DPF3: variants seen among roughly 807,000 people sequenced by gnomAD.
DPF3 encodes the protein double PHD fingers 3.
DPF3 carries 18 observed loss-of-function variants against 56.8 expected under a neutral mutation model. The observed-to-expected ratio is 0.32, with a 90% CI of 0.22 to 0.47. DPF3 has a LOEUF of 0.47. DPF3 is among the 20% of genes least tolerant of loss of function. The pLI is 1.00. For synonymous variants in DPF3, 188 were observed against 180.2 expected (o/e 1.04, Z -0.35); for missense variants, 403 against 488.8 (o/e 0.82, Z 1.65).
intron 1 of DPF3, among the ~76,000 whole-genome samples, chr14:72,891,826 TTGTG>T (rs1184863541): frequency 2.0e-5 from 3 of 151,756 alleles, no homozygotes; most frequent in Admixed American, 2.0e-4. Context: ...AGCAGGGGCG[TTGTG>T]TGTATGCTAG....
chr14:72,825,759 G>A (rs1029389399), intron 1 of DPF3, among the ~76,000 whole-genome samples: 26 of 140,926 alleles, frequency 1.8e-4, no homozygotes, highest in Admixed American at 5.6e-4. Context: ...TATCACAGGA[G>A]ATGGCAGTTA....
At chr14:72,855,149 C>G (rs1885128367) in intron 1 of DPF3, among the ~76,000 whole-genome samples, 1 of 152,210 alleles carries the variant, frequency 6.6e-6, no homozygotes, top group Non-Finnish European at 1.5e-5. Flanking sequence ...TTCTGCAGCT[C>G]TGTCACTGAC....
intron 8 of DPF3, among the ~76,000 whole-genome samples, chr14:72,653,332 G>A (rs1555492346): frequency 6.6e-6 from 1 of 152,226 alleles, no homozygotes; most frequent in Non-Finnish European, 1.5e-5. Flanking sequence ...CGGAGTGGAT[G>A]GCTAAGATCC....
chr14:72,662,286 G>T (rs1886249044), intron 8 of DPF3: 1 of 984,764 alleles, frequency 1.0e-6, no homozygotes, highest in African/African-American at 1.8e-5. Flanking sequence ...TTAAAATGTG[G>T]GGCATTTTTC....
rs796807633 is a variant in DPF3, at chr14:72,767,279, A to C, written c.193+4454T>G. On this transcript the variant is annotated intron_variant, in intron 2 of 10. Coordinates refer to ENST00000556509, the MANE Select transcript of DPF3 (RefSeq NM_001280542.3). ...TTCAGTCAAAGCCACTCATCTTATG[A>C]AGAACCAGGAAAATCTCAAATGAGG... Among the ~76,000 whole-genome samples the C allele has an allele frequency of 2.6e-5, 4 of 152,358 alleles. 1 individual carries two copies. The highest frequency in any genetic ancestry group is 9.6e-5 in the African/African-American group (4 of 41,574).
chr14:72,816,632 G>T (rs1340979469), intron 1 of DPF3, among the ~76,000 whole-genome samples: 2 of 150,728 alleles, frequency 1.3e-5, no homozygotes, highest in East Asian at 3.9e-4. Flanking sequence ...GATACATCAG[G>T]CATAAATGGA....
chr14:72,732,155 G>A (rs1354359208), intron 3 of DPF3, among the ~76,000 whole-genome samples: 1 of 152,218 alleles, frequency 6.6e-6, no homozygotes, highest in Non-Finnish European at 1.5e-5. Flanking sequence ...CCCAGAGGAA[G>A]CTGAGCCAGA....
At chr14:72,850,303 C>A (rs1264874916) in intron 1 of DPF3, among the ~76,000 whole-genome samples, 2 of 152,076 alleles carry the variant, frequency 1.3e-5, no homozygotes, top group Non-Finnish European at 2.9e-5. Flanking sequence ...ACAGTACAGT[C>A]CCCCAACCCC....
intron 6 of DPF3, among the ~76,000 whole-genome samples, chr14:72,702,619 T>G (rs1270691285): frequency 6.6e-6 from 1 of 152,050 alleles, no homozygotes; most frequent in Non-Finnish European, 1.5e-5. Context: ...CGACCCTCCA[T>G]CTTCTCTCTG....
chr14:72,625,217 A>C (rs538723045), intron 9 of DPF3, among the ~76,000 whole-genome samples: 5 of 151,922 alleles, frequency 3.3e-5, no homozygotes, highest in Non-Finnish European at 7.4e-5. Flanking sequence ...TTCCCTCTAC[A>C]TTTACTCATT....
intron 8 of DPF3, chr14:72,661,086 A>C (rs893099716): frequency 1.0e-6 from 1 of 985,502 alleles, no homozygotes; most frequent in Non-Finnish European, 1.2e-6. Context: ...AGAAACTTAC[A>C]CACACTTGGT....
intron 2 of DPF3, among the ~76,000 whole-genome samples, chr14:72,756,253 C>G (rs1890784297): frequency 6.6e-6 from 1 of 152,234 alleles, no homozygotes; most frequent in Non-Finnish European, 1.5e-5. Context: ...CGAGCTACAA[C>G]ATTCCTGCCC....
At chr14:72,662,521 C>A in intron 8 of DPF3, 1 of 984,938 alleles carries the variant, frequency 1.0e-6, no homozygotes, top group Non-Finnish European at 1.2e-6. Context: ...TAATTCCAGG[C>A]GGACCTGGGT....
At chr14:72,840,306 A>AT (rs887285676) in intron 1 of DPF3, among the ~76,000 whole-genome samples, 12 of 151,938 alleles carry the variant, frequency 7.9e-5, no homozygotes, top group South Asian at 4.2e-4. Flanking sequence ...AGTTTGTTTG[A>AT]TTTTTTTTAT....
intron 1 of DPF3, among the ~76,000 whole-genome samples, chr14:72,849,190 C>CTTATA (rs1567255452): frequency 6.6e-6 from 1 of 151,970 alleles, no homozygotes; most frequent in Non-Finnish European, 1.5e-5. Context: ...CAATATTCCC[C>CTTATA]ACTATGGTTA....
rs369987431 is a variant in DPF3 at position 72,714,455 on chromosome 14, T to G, written c.572A>C (p.Gln191Pro). ...GACGTAAGGTTTGTCGTGGTCTTCC[T>G]GAGAGGCGGCGTCGTGCCTCCTCCT... is the stretch of plus-strand genomic sequence containing the variant. ...GGRRRHDAAS[Q>P]EDHDKPYVCD... The change falls in exon 6 of 11, where the codon CAG (glutamine) becomes CCG (proline). Residue 191 changes from glutamine (Q) to proline (P), a missense_variant. Physicochemically the swap from Gln to Pro is moderately conservative, Grantham distance 76. Around this residue, in one of 2 missense-constraint regions of DPF3, gnomAD observed 340 missense variants for 374.3 expected, o/e 0.91. Transcript: ENST00000556509. 1 of 1,613,736 alleles carries G rather than the reference T, an allele frequency of 6.2e-7. No homozygotes were observed. Among genetic ancestry groups the G allele is most frequent in the Admixed American group, 1.7e-5 (1 of 59,994 alleles).
At chr14:72,839,998 G>C (rs1443447399) in intron 1 of DPF3, among the ~76,000 whole-genome samples, 1 of 152,188 alleles carries the variant, frequency 6.6e-6, no homozygotes, top group Non-Finnish European at 1.5e-5. Context: ...GTCACTGTGT[G>C]GTCTTGAGTG....
intron 7 of DPF3, chr14:72,675,411 G>A (rs1379373479): frequency 3.3e-5 from 5 of 152,164 alleles, no homozygotes; most frequent in African/African-American, 1.2e-4. Context: ...CTGTTTATGG[G>A]ATCAGCCCTA....
intron 8 of DPF3, among the ~76,000 whole-genome samples, chr14:72,652,482 C>T (rs948084203): frequency 2.0e-5 from 3 of 152,100 alleles, no homozygotes. Flanking sequence ...GGGTAAGCTG[C>T]AGAGAGTTTC....
Sources: gnomAD v4.1 joint callset for allele counts (sites outside exome capture counted in the v4.1 genomes callset) on GRCh38, gnomAD v4.1.1 for gene constraint, gnomAD v4.1.1 regional missense constraint, MANE v1.5 for transcripts, NCBI Gene and HGNC (gene_info 2026-07-23, HGNC 2026-07-21) for gene names.